Variants in THSD7A observed in about 807,000 individuals in gnomAD.
THSD7A encodes thrombospondin type 1 domain containing 7A.
A neutral mutation model predicts 231.3 loss-of-function variants in THSD7A; 96 were observed. That is an observed-to-expected ratio of 0.41 (90% CI 0.35 to 0.49). The LOEUF (loss-of-function observed/expected upper bound fraction) is 0.49. THSD7A is among the 20% of genes least tolerant of loss of function. The pLI is 0.05. For missense variants in THSD7A, 2,290 were observed against 2,070.2 expected, an observed-to-expected ratio of 1.11 and a Z score of -2.06; for synonymous variants, 940 against 743.3, an observed-to-expected ratio of 1.26 and a Z score of -4.30.
At chr7:11,681,605 G>C (rs909144964) in intron 1 of THSD7A, among the ~76,000 whole-genome samples, 1 of 151,762 alleles carries the variant, frequency 6.6e-6, no homozygotes, top group African/African-American at 2.4e-5. Context: ...GAGAACTATG[G>C]GATGATGCAA....
intron 23 of THSD7A, among the ~76,000 whole-genome samples, chr7:11,393,993 T>G (rs976473257): frequency 2.6e-5 from 4 of 151,928 alleles, no homozygotes; most frequent in East Asian, 1.9e-4. Flanking sequence ...AGGCCAACAT[T>G]CAAATTCAGG....
At chr7:11,534,100 T>C (rs892712970) in intron 6 of THSD7A, among the ~76,000 whole-genome samples, 2 of 152,196 alleles carry the variant, frequency 1.3e-5, no homozygotes, top group African/African-American at 2.4e-5. Context: ...AATCATGAGA[T>C]AGTAAACTTT....
intron 11 of THSD7A, among the ~76,000 whole-genome samples, chr7:11,455,030 G>A (rs911182016): frequency 6.6e-6 from 1 of 152,036 alleles, no homozygotes; most frequent in Non-Finnish European, 1.5e-5. Context: ...GAGGTCATGA[G>A]TGTGAGGTTC....
At chr7:11,402,996 G>A (rs1783458787) in intron 22 of THSD7A, among the ~76,000 whole-genome samples, 1 of 152,074 alleles carries the variant, frequency 6.6e-6, no homozygotes, top group Non-Finnish European at 1.5e-5. Flanking sequence ...GGGCCATAGT[G>A]CATCCATGCT....
intron 7 of THSD7A, among the ~76,000 whole-genome samples, chr7:11,476,819 A>G (rs1419681639): frequency 1.4e-4 from 15 of 110,130 alleles, no homozygotes; most frequent in Non-Finnish European, 2.1e-4. Flanking sequence ...CGTCTCAGAG[A>G]AAAAAAAAAA....
At chr7:11,780,662 G>C (rs1341503976) in intron 1 of THSD7A, among the ~76,000 whole-genome samples, 1 of 152,070 alleles carries the variant, frequency 6.6e-6, no homozygotes, top group African/African-American at 2.4e-5. Context: ...GAATCACCCA[G>C]GGAAACCATT....
intron 6 of THSD7A, among the ~76,000 whole-genome samples, chr7:11,525,577 C>T (rs1788436651): frequency 6.6e-6 from 1 of 151,956 alleles, no homozygotes; most frequent in Admixed American, 6.6e-5. Flanking sequence ...ACAGCTTTTC[C>T]AAATACTATT....
At chr7:11,564,176 G>A (rs1032225358) in intron 4 of THSD7A, among the ~76,000 whole-genome samples, 20 of 152,142 alleles carry the variant, frequency 1.3e-4, no homozygotes, top group African/African-American at 4.8e-4. Flanking sequence ...GGACGTTTTA[G>A]GTCCAGACTG....
In THSD7A at chr7:11,389,421, C is replaced by CTTTTTTTTTTTT. The variant is rs57755425; in HGVS notation, c.4412-6817_4412-6806dup. On this transcript the variant is annotated intron_variant, in intron 23 of 27. Coordinates refer to ENST00000423059, the MANE Select transcript of THSD7A (RefSeq NM_015204.3). ...TCAGAGACTAGAATTGCAACTCCTG[C>CTTTTTTTTTTTT]TTTTTTTTTTTTTTTTTTTTTTTTT... 3.7e-4 allele frequency among the ~76,000 whole-genome samples: 14 copies of CTTTTTTTTTTTT among 37,606 alleles called. 2 individuals carry two copies. The highest frequency in any genetic ancestry group is 4.8e-4 in the Non-Finnish European group (10 of 20,702). 24.7% of individuals were successfully genotyped at this position (37,606 alleles called of 152,430 possible). A position where few individuals can be genotyped will look rare whatever the true frequency, so the allele number is the denominator to read the frequency against.
intron 2 of THSD7A, among the ~76,000 whole-genome samples, chr7:11,602,677 G>C (rs1322973108): frequency 6.6e-6 from 1 of 151,778 alleles, no homozygotes; most frequent in African/African-American, 2.4e-5. Flanking sequence ...GAAATTGAAG[G>C]CCTCGGTCTG....
At chr7:11,771,044 T>A (rs1350696974) in intron 1 of THSD7A, among the ~76,000 whole-genome samples, 1 of 151,218 alleles carries the variant, frequency 6.6e-6, no homozygotes, top group Non-Finnish European at 1.5e-5. Flanking sequence ...ATACATTCTT[T>A]CTTTAAAAAT....
chr7:11,502,056 A>G (rs1256633598), intron 6 of THSD7A, among the ~76,000 whole-genome samples: 1 of 152,122 alleles, frequency 6.6e-6, no homozygotes, highest in Non-Finnish European at 1.5e-5. Context: ...CTGGACATAC[A>G]CACCCTCCCA....
chr7:11,496,304 C>T (rs1787096604), intron 6 of THSD7A, among the ~76,000 whole-genome samples: 1 of 152,172 alleles, frequency 6.6e-6, no homozygotes, highest in Non-Finnish European at 1.5e-5. Flanking sequence ...ATGCTGTCCC[C>T]TCTTAGTGTG....
intron 1 of THSD7A, among the ~76,000 whole-genome samples, chr7:11,719,229 C>G (rs1269414725): frequency 1.3e-5 from 2 of 151,546 alleles, no homozygotes; most frequent in Admixed American, 1.3e-4. Flanking sequence ...CCCACCTTAA[C>G]TAAAACTAGA....
chr7:11,730,995 G>C (rs1313820120), intron 1 of THSD7A, among the ~76,000 whole-genome samples: 1 of 151,530 alleles, frequency 6.6e-6, no homozygotes, highest in Non-Finnish European at 1.5e-5. Flanking sequence ...TTTGCAGTTT[G>C]CTCTATTTCA....
chr7:11,401,815 A>G lies in THSD7A; in HGVS notation c.4391T>C (p.Leu1464Ser), dbSNP rs1304664257. 3.1e-6 allele frequency: 5 copies of G among 1,613,256 alleles called. No individual in the cohort carries two copies. The highest frequency in any genetic ancestry group is 1.7e-4 in the Middle Eastern group (1 of 6,038). Residue 1464 changes from leucine (L) to serine (S), a missense_variant, in exon 23 of 28, where the codon TTA (leucine) becomes TCA (serine). Transcript: ENST00000423059. ...CTCACCATAACATGATTTTGTTTCT[A>G]ACATCTGCTCTGGGCACAGATGCTG... The part of the protein sequence containing the change: ...ENQHLCPEQM[L>S]ETKSCYDGQC...
intron 1 of THSD7A, among the ~76,000 whole-genome samples, chr7:11,705,656 C>T (rs1780742047): frequency 6.6e-6 from 1 of 150,974 alleles, no homozygotes; most frequent in Non-Finnish European, 1.5e-5. Flanking sequence ...AAAATTTGTA[C>T]TATATTTTAG....
intron 13 of THSD7A, among the ~76,000 whole-genome samples, chr7:11,443,189 T>C (rs1182275565): frequency 6.6e-6 from 1 of 152,084 alleles, no homozygotes; most frequent in African/African-American, 2.4e-5. Context: ...AGCTCACAGG[T>C]AATGTTAAAC....
At chr7:11,701,900 C>T (rs759738867) in intron 1 of THSD7A, among the ~76,000 whole-genome samples, 7 of 151,202 alleles carry the variant, frequency 4.6e-5, no homozygotes, top group Non-Finnish European at 8.9e-5. Flanking sequence ...TCTTTCCTCC[C>T]CTCTTTCCTA....
Sources: allele counts gnomAD v4.1 joint callset (sites outside exome capture counted in the v4.1 genomes callset), GRCh38; gene constraint gnomAD v4.1.1; transcripts MANE v1.5; gene names NCBI Gene and HGNC (gene_info 2026-07-23, HGNC 2026-07-21).